POLN: variants seen among roughly 807,000 people sequenced by gnomAD.
POLN encodes the protein DNA polymerase N.
A neutral mutation model predicts 113.5 loss-of-function variants in POLN; 108 were observed. That is an observed-to-expected ratio of 0.95 (90% CI 0.81 to 1.12). The LOEUF (loss-of-function observed/expected upper bound fraction) is 1.12. Ranked by LOEUF, POLN falls within the 50% of genes most tolerant of loss-of-function variation. The pLI, the probability that POLN is intolerant of heterozygous loss-of-function variation, is 0.00. For synonymous variants in POLN, 386 were observed against 391.5 expected (o/e 0.99, Z 0.17); for missense variants, 1,097 against 1,077.1 (o/e 1.02, Z -0.26).
rs568999676 is a variant in POLN at position 2,217,376 on chromosome 4, TG to T, written c.134-4251del. Reference sequence around the variant, plus strand: ...TGCCTCCATCAGCTGGTCTTAAGGCTGCCCCCGTCAGAAGTACCAGTGCCAG... The same window carrying T: ...TGCCTCCATCAGCTGGTCTTAAGGCTCCCCCGTCAGAAGTACCAGTGCCAG... On this transcript the variant is annotated intron_variant, in intron 3 of 25. Transcript: ENST00000511885. Among the ~76,000 whole-genome samples, 567 of 152,294 alleles carry T rather than the reference TG, an allele frequency of 3.7e-3. 4 individuals carry two copies. Among genetic ancestry groups the T allele is most frequent in the African/African-American group, 0.013 (547 of 41,562 alleles).
chr4:2,075,426 A>C, intron 24 of POLN, 26 bp downstream of exon 24: 1 of 1,612,280 alleles, frequency 6.2e-7, no homozygotes, highest in Non-Finnish European at 8.5e-7. Flanking sequence ...GTGATGTCCA[A>C]GCAACCCTGT....
At chr4:2,195,019 C>A (rs1359642297) in intron 6 of POLN, among the ~76,000 whole-genome samples, 1 of 152,002 alleles carries the variant, frequency 6.6e-6, no homozygotes. Context: ...TAAGGTATAA[C>A]AAACGTACAG....
At chr4:2,135,834 C>T (rs993730212) in intron 16 of POLN, among the ~76,000 whole-genome samples, 13 of 152,236 alleles carry the variant, frequency 8.5e-5, no homozygotes, top group African/African-American at 3.1e-4. Context: ...CAGACCAACA[C>T]CACGTGCTAG....
intron 15 of POLN, among the ~76,000 whole-genome samples, chr4:2,157,353 G>A (rs1469669702): frequency 6.6e-6 from 1 of 152,154 alleles, no homozygotes; most frequent in African/African-American, 2.4e-5. Flanking sequence ...CATAAACAGA[G>A]GGTTTCAAGG....
chr4:2,128,850 T>C (rs1483119443), intron 18 of POLN, among the ~76,000 whole-genome samples: 2 of 151,590 alleles, frequency 1.3e-5, no homozygotes, highest in South Asian at 2.1e-4. Flanking sequence ...AGGTCAGGAG[T>C]TCGAGACCAG....
chr4:2,112,510 A>C (rs1185772188), intron 19 of POLN, among the ~76,000 whole-genome samples: 1 of 152,190 alleles, frequency 6.6e-6, no homozygotes, highest in East Asian at 1.9e-4. Context: ...AATATCCAGA[A>C]TCTACAATGA....
At chr4:2,086,042 C>T (rs975120413) in intron 20 of POLN, among the ~76,000 whole-genome samples, 2 of 152,196 alleles carry the variant, frequency 1.3e-5, no homozygotes, top group African/African-American at 4.8e-5. Flanking sequence ...AATTCCAGAA[C>T]TGCGGAGGTT....
chr4:2,192,172 G>C (rs953786012), intron 7 of POLN, among the ~76,000 whole-genome samples: 7 of 150,462 alleles, frequency 4.7e-5, no homozygotes, highest in Non-Finnish European at 1.0e-4. Context: ...ACTGGGTGAT[G>C]CCTACTTTTG....
chr4:2,123,850 A>G (rs1300978626), intron 19 of POLN, among the ~76,000 whole-genome samples: 3 of 152,034 alleles, frequency 2.0e-5, no homozygotes, highest in Non-Finnish European at 4.4e-5. Context: ...AAACCTGTAT[A>G]CAAATGTGCA....
intron 19 of POLN, among the ~76,000 whole-genome samples, chr4:2,113,783 A>G (rs1731253225): frequency 6.6e-6 from 1 of 151,496 alleles, no homozygotes. Flanking sequence ...GCTTGAACCC[A>G]GGAGGCGGAG....
rs1450249861 is a variant in POLN at position 2,241,590 on chromosome 4, C to A, written c.-83G>T. 2.3e-5 allele frequency: 23 copies of A among 985,610 alleles called. No individual in the cohort carries two copies. Among genetic ancestry groups the A allele is most frequent in the African/African-American group, 5.2e-5 (3 of 57,240 alleles). The allele number at this position is 985,610 out of a possible 1,614,324, so 61.1% of individuals were successfully genotyped here. A position where few individuals can be genotyped will look rare whatever the true frequency, so the allele number is the denominator to read the frequency against. On this transcript the variant is annotated 5_prime_UTR_variant, in exon 2 of 26. Transcript: ENST00000511885. ...GCGACGCGGAGAACAGCAGGAGCAGCAGGGAAGCGCGCGGCCACAATTAAG... is the reference window on the plus strand; with the variant it reads ...GCGACGCGGAGAACAGCAGGAGCAGAAGGGAAGCGCGCGGCCACAATTAAG...
intron 9 of POLN, among the ~76,000 whole-genome samples, chr4:2,175,196 C>T (rs1433464234): frequency 6.6e-6 from 1 of 152,136 alleles, no homozygotes; most frequent in East Asian, 1.9e-4. Flanking sequence ...CCCACCCAAC[C>T]TCGACTCCTC....
intron 6 of POLN, among the ~76,000 whole-genome samples, chr4:2,195,459 GTT>G (rs58164574): frequency 1.2e-4 from 15 of 128,600 alleles, no homozygotes; most frequent in African/African-American, 2.4e-4. Context: ...AGGTAATTCT[GTT>G]TTTTTTTTTT....
intron 8 of POLN, among the ~76,000 whole-genome samples, chr4:2,178,330 C>T (rs35627780): frequency 1.7e-3 from 258 of 152,366 alleles, no homozygotes; most frequent in South Asian, 0.012. Flanking sequence ...ACTTGCTTTG[C>T]TGTGATTGCT....
intron 3 of POLN, among the ~76,000 whole-genome samples, chr4:2,218,662 T>C (rs1254533813): frequency 3.3e-5 from 5 of 152,190 alleles, no homozygotes; most frequent in African/African-American, 1.2e-4. Context: ...CGGGATAACA[T>C]AGCACTGGGG....
At chr4:2,206,354 C>T (rs1181586205) in intron 5 of POLN, among the ~76,000 whole-genome samples, 1 of 152,154 alleles carries the variant, frequency 6.6e-6, no homozygotes, top group Non-Finnish European at 1.5e-5. Context: ...ATTTCATGAC[C>T]AAGAACCCAA....
At chr4:2,235,832 CTCTTTGAGGATGAGAG>C (rs1734743429) in intron 2 of POLN, among the ~76,000 whole-genome samples, 2 of 151,976 alleles carry the variant, frequency 1.3e-5, no homozygotes, top group Non-Finnish European at 2.9e-5. Context: ...ATGGTAGTCA[CTCTTTGAGGATGAGAG>C]AGGAATTATA....
intron 19 of POLN, among the ~76,000 whole-genome samples, chr4:2,104,526 T>A (rs148267159): frequency 6.0e-4 from 92 of 152,366 alleles, no homozygotes; most frequent in African/African-American, 2.0e-3. Context: ...TGGTTACTTT[T>A]ATTTTGTAGA....
In POLN at chr4:2,131,304, G is replaced by C. The variant is rs779761338; in HGVS notation, c.1732-14C>G. 1 of 1,533,168 alleles carries C rather than the reference G, an allele frequency of 6.5e-7. No homozygotes were observed. The highest frequency in any genetic ancestry group is 9.0e-7 in the Non-Finnish European group (1 of 1,109,630). 95.0% of individuals were successfully genotyped at this position (1,533,168 alleles called of 1,614,324 possible). ...ACCTTGGATATTCTGTTAATAATAA[G>C]AGACTAGCTTTAGTTAAAATATCTA... On this transcript the variant is annotated splice_polypyrimidine_tract_variant and intron_variant, in intron 16 of 25. Transcript: ENST00000511885.
Sources: allele counts gnomAD v4.1 joint callset (sites outside exome capture counted in the v4.1 genomes callset), GRCh38; gene constraint gnomAD v4.1.1; transcripts MANE v1.5; gene names NCBI Gene and HGNC (gene_info 2026-07-23, HGNC 2026-07-21).